The following ERBB4 variants were observed in gnomAD, a reference collection of about 807,000 sequenced individuals.
ERBB4 encodes erb-b2 receptor tyrosine kinase 4.
Under a neutral mutation model 158.0 loss-of-function variants are expected in ERBB4, and 42 were observed. The observed-to-expected ratio is 0.27, with a 90% CI of 0.21 to 0.34. The LOEUF (loss-of-function observed/expected upper bound fraction) is 0.34, where lower values mean the gene tolerates loss of function less well. ERBB4 is among the 10% of genes least tolerant of loss of function. ERBB4 has a pLI of 1.00. For missense variants in ERBB4, 1,333 were observed against 1,624.1 expected, an observed-to-expected ratio of 0.82 and a Z score of 3.08; for synonymous variants, 583 against 558.7, an observed-to-expected ratio of 1.04 and a Z score of -0.61.
rs186316554 is a variant in ERBB4, at chr2:212,116,078, T to C, written c.234+8674A>G. ...ATAATAGATTGTTTTCATTATTTAG[T>C]AGGTTATACTTAACTAGAAACATTA... On this transcript the variant is annotated intron_variant, in intron 2 of 27. Transcript: ENST00000342788. Among the ~76,000 whole-genome samples, 24 of 152,138 alleles carry C rather than the reference T, an allele frequency of 1.6e-4. No homozygotes were observed. In the East Asian group the frequency reaches 3.7e-3, roughly 23 times the overall value.
chr2:212,134,053 CTA>C (rs1408755287), intron 1 of ERBB4, among the ~76,000 whole-genome samples: 1 of 152,044 alleles, frequency 6.6e-6, no homozygotes, highest in Non-Finnish European at 1.5e-5. Flanking sequence ...TATCTTTTTT[CTA>C]ACCCTCATGG....
At chr2:211,386,788 T>C in intron 27 of ERBB4, 65 bp downstream of exon 27, 1 of 1,540,092 alleles carries the variant, frequency 6.5e-7, no homozygotes. Flanking sequence ...TTCTATTCTG[T>C]ACTTTGTTTA....
At chr2:211,673,390 G>T in intron 13 of ERBB4, 133 bp from the exon 14 acceptor site, 1 of 708,262 alleles carries the variant, frequency 1.4e-6, no homozygotes, top group East Asian at 2.7e-5. Flanking sequence ...AGGAGCATCA[G>T]AAACATTAAG....
At chr2:212,472,545 C>T (rs530432598) in intron 1 of ERBB4, among the ~76,000 whole-genome samples, 14 of 151,248 alleles carry the variant, frequency 9.3e-5, no homozygotes, top group African/African-American at 2.9e-4. Flanking sequence ...AAAAAAAAAA[C>T]CTACCTTAAG....
At chr2:211,484,365 A>T (rs1440592798) in intron 20 of ERBB4, among the ~76,000 whole-genome samples, 1 of 152,198 alleles carries the variant, frequency 6.6e-6, no homozygotes, top group East Asian at 1.9e-4. Flanking sequence ...GTAGATCTAA[A>T]TCTAGTTACA....
intron 2 of ERBB4, among the ~76,000 whole-genome samples, chr2:211,992,141 C>T (rs959465700): frequency 2.6e-5 from 4 of 152,062 alleles, no homozygotes; most frequent in Admixed American, 1.3e-4. Flanking sequence ...CTACTGGTAC[C>T]GATTCACTGT....
intron 1 of ERBB4, among the ~76,000 whole-genome samples, chr2:212,375,514 G>A (rs2090289291): frequency 6.6e-6 from 1 of 152,064 alleles, no homozygotes; most frequent in South Asian, 2.1e-4. Context: ...TACATCAATA[G>A]CAAGTTGCTG....
chr2:211,826,915 G>A (rs1255707189), intron 3 of ERBB4, among the ~76,000 whole-genome samples: 2 of 151,926 alleles, frequency 1.3e-5, no homozygotes, highest in Non-Finnish European at 2.9e-5. Flanking sequence ...TGCAGAGATG[G>A]CTTTTGTAAA....
chr2:212,140,150 T>C lies in ERBB4; in HGVS notation c.83-15247A>G, dbSNP rs1305814880. Among the ~76,000 whole-genome samples, 3 of 151,518 alleles carry C rather than the reference T, an allele frequency of 2.0e-5. No homozygotes were observed. In the East Asian group the frequency reaches 5.8e-4, roughly 29 times the overall value. ...GAGAAACAAGATCCATGCAGTTGCATCATTTTTTATTGTTCTGGTCTCAAA... is the reference window on the plus strand; with the variant it reads ...GAGAAACAAGATCCATGCAGTTGCACCATTTTTTATTGTTCTGGTCTCAAA... On this transcript the variant is annotated intron_variant, in intron 1 of 27. Coordinates refer to ENST00000342788, the MANE Select transcript of ERBB4 (RefSeq NM_005235.3).
At chr2:211,504,247 G>T (rs1341607838) in intron 20 of ERBB4, among the ~76,000 whole-genome samples, 1 of 152,028 alleles carries the variant, frequency 6.6e-6, no homozygotes, top group Non-Finnish European at 1.5e-5. Flanking sequence ...TCCATCCTCT[G>T]TACTAGACAG....
chr2:211,728,100 T>C (rs947333257), intron 5 of ERBB4, among the ~76,000 whole-genome samples: 1 of 151,908 alleles, frequency 6.6e-6, no homozygotes, highest in African/African-American at 2.4e-5. Context: ...CACCTTTGTA[T>C]TGAAGTCTGC....
At chr2:212,041,339 G>T (rs2077137244) in intron 2 of ERBB4, among the ~76,000 whole-genome samples, 1 of 148,684 alleles carries the variant, frequency 6.7e-6, no homozygotes, top group African/African-American at 2.4e-5. Flanking sequence ...CTAAGCTAAT[G>T]AGTATAAAAA....
At chr2:212,318,373 A>C (rs1444087240) in intron 1 of ERBB4, among the ~76,000 whole-genome samples, 1 of 151,598 alleles carries the variant, frequency 6.6e-6, no homozygotes, top group Admixed American at 6.6e-5. Flanking sequence ...GGAACACAAA[A>C]TAGCACAATG....
intron 1 of ERBB4, among the ~76,000 whole-genome samples, chr2:212,270,522 T>A (rs919440768): frequency 1.3e-5 from 2 of 151,776 alleles, no homozygotes; most frequent in Non-Finnish European, 2.9e-5. Flanking sequence ...AGTTCTCCCA[T>A]TGAAAAATAG....
intron 1 of ERBB4, among the ~76,000 whole-genome samples, chr2:212,439,983 T>C (rs1309236705): frequency 2.0e-5 from 3 of 152,196 alleles, no homozygotes; most frequent in African/African-American, 4.8e-5. Flanking sequence ...TTTGGTGCCC[T>C]ATAGGATATA....
chr2:211,940,428 C>T (rs2080462404), intron 3 of ERBB4, among the ~76,000 whole-genome samples: 1 of 151,746 alleles, frequency 6.6e-6, no homozygotes, highest in Admixed American at 6.6e-5. Flanking sequence ...CATTTTTTTC[C>T]TTAGGATATA....
At chr2:211,885,296 A>C (rs1158983110) in intron 3 of ERBB4, among the ~76,000 whole-genome samples, 1 of 152,166 alleles carries the variant, frequency 6.6e-6, no homozygotes, top group Non-Finnish European at 1.5e-5. Context: ...CTAGGCCTGA[A>C]AGAAAGTCAA....
chr2:212,151,574 A>C (rs1382930097), intron 1 of ERBB4, among the ~76,000 whole-genome samples: 3 of 151,926 alleles, frequency 2.0e-5, no homozygotes, highest in East Asian at 1.9e-4. Flanking sequence ...AAAATTTTGG[A>C]AATACAATAA....
chr2:211,786,157 C>T (rs1371179423), intron 4 of ERBB4, among the ~76,000 whole-genome samples: 1 of 152,032 alleles, frequency 6.6e-6, no homozygotes, highest in Non-Finnish European at 1.5e-5. Flanking sequence ...TAATGACCCC[C>T]CAAATTTTTA....
Sources: allele counts gnomAD v4.1 joint callset (sites outside exome capture counted in the v4.1 genomes callset), GRCh38; gene constraint gnomAD v4.1.1; transcripts MANE v1.5; gene names NCBI Gene and HGNC (gene_info 2026-07-23, HGNC 2026-07-21).